Variants in KLHL2 observed in about 807,000 individuals in gnomAD.
The protein encoded by KLHL2 is kelch like family member 2.
A neutral mutation model predicts 75.8 loss-of-function variants in KLHL2; 15 were observed. The observed-to-expected ratio is 0.20, with a 90% CI of 0.13 to 0.30. The LOEUF (loss-of-function observed/expected upper bound fraction) is 0.30. Among genes scored for constraint, KLHL2 ranks in the 10% least tolerant of loss-of-function variants. KLHL2 has a pLI of 1.00. For missense variants in KLHL2, 381 were observed against 741.0 expected, an observed-to-expected ratio of 0.51 and a Z score of 5.64; for synonymous variants, 214 against 251.9, an observed-to-expected ratio of 0.85 and a Z score of 1.42.
At chr4:165,251,614 T>G (rs988283719) in intron 4 of KLHL2, among the ~76,000 whole-genome samples, 2 of 140,048 alleles carry the variant, frequency 1.4e-5, no homozygotes, top group African/African-American at 2.6e-5. Flanking sequence ...TTTTTTTTTT[T>G]GTTTTTTTTT....
At chr4:165,290,561 A>G (rs1243491431) in intron 5 of KLHL2, among the ~76,000 whole-genome samples, 2 of 152,222 alleles carry the variant, frequency 1.3e-5, no homozygotes, top group African/African-American at 4.8e-5. Flanking sequence ...GTATAAAGAA[A>G]ACTTCCTTAG....
chr4:165,254,457 G>A (rs1447976884), intron 4 of KLHL2, among the ~76,000 whole-genome samples: 1 of 151,994 alleles, frequency 6.6e-6, no homozygotes, highest in Non-Finnish European at 1.5e-5. Flanking sequence ...TTTTTCTCAA[G>A]GTAGATTTTC....
At chr4:165,219,880 A>G in intron 1 of KLHL2, 54 bp from the exon 2 acceptor site, 1 of 1,527,906 alleles carries the variant, frequency 6.5e-7, no homozygotes. Flanking sequence ...AAGCTGAACT[A>G]AATGATCTTT....
At chr4:165,294,580 G>A in intron 6 of KLHL2, 112 bp downstream of exon 6, 1 of 497,108 alleles carries the variant, frequency 2.0e-6, no homozygotes, top group Non-Finnish European at 3.6e-6. Context: ...AGCCAGTGAT[G>A]TTTCAACTGG....
intron 5 of KLHL2, among the ~76,000 whole-genome samples, chr4:165,284,159 A>T (rs1320035638): frequency 1.3e-5 from 2 of 151,982 alleles, no homozygotes; most frequent in South Asian, 4.2e-4. Flanking sequence ...CATTTTCCCC[A>T]TTGTCTTGGT....
At chr4:165,305,571 G>A (rs762703623) in intron 8 of KLHL2, 37 bp from the exon 9 acceptor site, 1 of 1,475,012 alleles carries the variant, frequency 6.8e-7, no homozygotes, top group Non-Finnish European at 9.5e-7. Flanking sequence ...ATATGTAATA[G>A]TCATTTGTTC....
At chr4:165,233,997 C>T (rs1013066714) in intron 3 of KLHL2, among the ~76,000 whole-genome samples, 1 of 152,166 alleles carries the variant, frequency 6.6e-6, no homozygotes, top group Non-Finnish European at 1.5e-5. Context: ...AAGGTTTGTT[C>T]CTCTCCTAAA....
intron 14 of KLHL2, 105 bp downstream of exon 14, chr4:165,318,074 G>T (rs956405604): frequency 9.8e-7 from 1 of 1,016,918 alleles, no homozygotes; most frequent in African/African-American, 1.6e-5. Flanking sequence ...TTTTCTCAAG[G>T]TATAGTTTAT....
At position 165,311,761 on chromosome 4, in the gene KLHL2, T is replaced by C. The variant is rs532552069; in HGVS notation, c.1339+196T>C. ...TATATAAATCAACCTATATAAAGCC[T>C]TTTCTCTCCCTCTCTATCCCCCTCC... On this transcript the variant is annotated intron_variant, in intron 11 of 14. Transcript: ENST00000226725. Among the ~76,000 whole-genome samples the C allele has an allele frequency of 4.7e-5, 7 of 150,312 alleles. 1 individual carries two copies. In the South Asian group the frequency reaches 6.4e-4, roughly 14 times the overall value.
chr4:165,236,804 A>G (rs1739386075), intron 3 of KLHL2, among the ~76,000 whole-genome samples: 1 of 152,208 alleles, frequency 6.6e-6, no homozygotes, highest in Non-Finnish European at 1.5e-5. Context: ...AATTGAATTT[A>G]TTGGAAGCAG....
chr4:165,312,865 A>G (rs1746308246), intron 11 of KLHL2, among the ~76,000 whole-genome samples: 1 of 152,148 alleles, frequency 6.6e-6, no homozygotes, highest in African/African-American at 2.4e-5. Context: ...TCTGTTATTA[A>G]TTTTTGATTT....
intron 5 of KLHL2, among the ~76,000 whole-genome samples, chr4:165,272,346 G>A (rs962475788): frequency 6.6e-6 from 1 of 151,928 alleles, no homozygotes; most frequent in Non-Finnish European, 1.5e-5. Flanking sequence ...TGAATTTATT[G>A]GTGTATTCCA....
chr4:165,214,728 C>G (rs1377161288), intron 1 of KLHL2, among the ~76,000 whole-genome samples: 1 of 152,132 alleles, frequency 6.6e-6, no homozygotes, highest in Non-Finnish European at 1.5e-5. Flanking sequence ...TGCTTTTTAA[C>G]TGCTAATATA....
At chr4:165,243,317 TGTAA>T (rs1266460329) in intron 4 of KLHL2, among the ~76,000 whole-genome samples, 7 of 152,362 alleles carry the variant, frequency 4.6e-5, no homozygotes, top group African/African-American at 1.7e-4. Context: ...TTTCACTTGA[TGTAA>T]GTGTTACAAA....
At chr4:165,274,175 G>C (rs1284440751) in intron 5 of KLHL2, among the ~76,000 whole-genome samples, 2 of 152,074 alleles carry the variant, frequency 1.3e-5, no homozygotes, top group African/African-American at 2.4e-5. Flanking sequence ...AATAGCAATA[G>C]ATGACTCAAT....
intron 4 of KLHL2, among the ~76,000 whole-genome samples, chr4:165,244,878 G>GT (rs375511455): frequency 8.5e-5 from 13 of 152,110 alleles, no homozygotes; most frequent in Middle Eastern, 3.2e-3. Flanking sequence ...TTGTGTGTGT[G>GT]TTTTTTTTGA....
intron 10 of KLHL2, 105 bp downstream of exon 10, chr4:165,310,855 G>GTTT (rs201298313): frequency 4.1e-4 from 244 of 595,116 alleles, no homozygotes; most frequent in South Asian, 8.5e-4. Flanking sequence ...GGTTTTTTGT[G>GTTT]TTTTTTTTTT....
chr4:165,295,648 T>G (rs950583150), intron 6 of KLHL2, among the ~76,000 whole-genome samples: 2 of 152,208 alleles, frequency 1.3e-5, no homozygotes, highest in African/African-American at 4.8e-5. Context: ...TTGGTTCAGA[T>G]GTATATTTCA....
In KLHL2 at chr4:165,266,751, C is replaced by T. The variant is rs546950554; in HGVS notation, c.544+3392C>T. ...TGTAGTATACTTTGAAGTCAGGTAGCGTGATGCCTCCAGCTTTGTTCTTTT... is the reference window on the plus strand; with the variant it reads ...TGTAGTATACTTTGAAGTCAGGTAGTGTGATGCCTCCAGCTTTGTTCTTTT... On this transcript the variant is annotated intron_variant, in intron 5 of 14. Transcript: ENST00000226725. Among the ~76,000 whole-genome samples the T allele has an allele frequency of 4.6e-5, 7 of 152,220 alleles. No homozygotes were observed. The South Asian group carries it at 1.2e-3, about 27-fold the overall frequency.
Sources: gnomAD v4.1 joint callset for allele counts (sites outside exome capture counted in the v4.1 genomes callset) on GRCh38, gnomAD v4.1.1 for gene constraint, MANE v1.5 for transcripts, NCBI Gene and HGNC (gene_info 2026-07-23, HGNC 2026-07-21) for gene names.